The following IFT88 variants were observed in gnomAD, a reference collection of about 807,000 sequenced individuals.
IFT88 encodes the protein intraflagellar transport protein 88 homolog.
A neutral mutation model predicts 119.5 loss-of-function variants in IFT88; 74 were observed. The ratio of observed to expected loss-of-function variants is 0.62; its 90% CI spans 0.51 to 0.75. IFT88 has a LOEUF of 0.75. IFT88 is among the 30% of genes least tolerant of loss of function. The pLI is 0.00. For synonymous variants in IFT88, 279 were observed against 316.7 expected, an observed-to-expected ratio of 0.88 and a Z score of 1.26; for missense variants, 961 against 977.7, an observed-to-expected ratio of 0.98 and a Z score of 0.23.
intron 20 of IFT88, among the ~76,000 whole-genome samples, chr13:20,645,522 C>G (rs2050608900): frequency 6.6e-6 from 1 of 152,106 alleles, no homozygotes; most frequent in African/African-American, 2.4e-5. Context: ...TCTTACACCT[C>G]AGCAAACAAT....
intron 24 of IFT88, among the ~76,000 whole-genome samples, chr13:20,671,371 A>G (rs1287987876): frequency 2.0e-5 from 3 of 152,196 alleles, no homozygotes; most frequent in African/African-American, 7.2e-5. Context: ...TAAAATTTCC[A>G]TTTGAAGGAA....
chr13:20,671,430 C>G (rs2055838450), intron 24 of IFT88, among the ~76,000 whole-genome samples: 1 of 152,168 alleles, frequency 6.6e-6, no homozygotes, highest in Non-Finnish European at 1.5e-5. Flanking sequence ...AGCCCTAAAT[C>G]TTTAGTCTGA....
intron 21 of IFT88, among the ~76,000 whole-genome samples, chr13:20,655,154 C>T (rs2052518397): frequency 6.6e-6 from 1 of 152,170 alleles, no homozygotes; most frequent in African/African-American, 2.4e-5. Context: ...ACTGTAAAGG[C>T]CGGACACAGT....
chr13:20,579,828 G>C (rs908537430), intron 2 of IFT88, among the ~76,000 whole-genome samples: 1 of 152,172 alleles, frequency 6.6e-6, no homozygotes, highest in Non-Finnish European at 1.5e-5. Flanking sequence ...GGTTATTGCT[G>C]CTGATTATTC....
rs138604416 is a variant in IFT88 at position 20,628,258 on chromosome 13, T to G, written c.1299+2409T>G. Among the ~76,000 whole-genome samples the G allele has an allele frequency of 9.8e-3, 1,491 of 152,130 alleles. 25 individuals carry two copies. The highest frequency in any genetic ancestry group is 0.034 in the African/African-American group (1,399 of 41,500). On this transcript the variant is annotated intron_variant, in intron 15 of 25. Coordinates refer to ENST00000351808, the MANE Select transcript of IFT88 (RefSeq NM_006531.5). ...CACAGAGTATGGGTCTTTTTGATAA[T>G]GATGGTGTTTGTAGCCACTTTTGTA...
At chr13:20,614,629 C>T (rs1228193709) in intron 13 of IFT88, among the ~76,000 whole-genome samples, 1 of 152,044 alleles carries the variant, frequency 6.6e-6, no homozygotes, top group Non-Finnish European at 1.5e-5. Context: ...TGTTTCTTGA[C>T]TGTTATCAAT....
rs528587128 is a variant in IFT88 at position 20,626,043 on chromosome 13, CTTTTTTTTTTTTTTTTT to C, written c.1299+213_1299+229del. 3.0e-4 allele frequency among the ~76,000 whole-genome samples: 12 copies of C among 39,572 alleles called. No individual in the cohort carries two copies. In the South Asian group the frequency reaches 6.2e-3, roughly 21 times the overall value. The allele number at this position is 39,572 out of a possible 152,430, so 26.0% of individuals were successfully genotyped here. On this transcript the variant is annotated intron_variant, in intron 15 of 25. Coordinates refer to ENST00000351808, the MANE Select transcript of IFT88 (RefSeq NM_006531.5). ...ATTAATTTTTGCCTGTTTGTCGTTTCTTTTTTTTTTTTTTTTTTTTTTTTTTTTTTTTTTTGAGATGG... is the reference window on the plus strand; with the variant it reads ...ATTAATTTTTGCCTGTTTGTCGTTTCTTTTTTTTTTTTTTTTTTGAGATGG...
chr13:20,605,169 A>G (rs2043207868), intron 13 of IFT88, 64 bp downstream of exon 13: 3 of 628,432 alleles, frequency 4.8e-6, no homozygotes, highest in Admixed American at 3.3e-5. Context: ...AATGTTTAGT[A>G]TTAAGATACT....
intron 1 of IFT88, chr13:20,568,132 G>T: frequency 1.6e-6 from 1 of 631,940 alleles, no homozygotes; most frequent in Non-Finnish European, 2.9e-6. Flanking sequence ...GCTTGAAGTA[G>T]ACTGTCCATA....
chr13:20,653,918 C>G lies in IFT88; in HGVS notation c.1992C>G (p.Phe664Leu). Residue 664 changes from phenylalanine (F) to leucine (L), a missense_variant, in exon 21 of 26, where the codon TTC (phenylalanine) becomes TTG (leucine). Transcript: ENST00000351808. Reference protein sequence around the residue: ...VKWQLMVASCFRRSGNYQKAL... With the variant: ...VKWQLMVASCLRRSGNYQKAL... ...GGCAGCTGATGGTAGCTAGTTGTTT[C>G]AGAAGAAGTGGTAAATGCTTTAGTT... 6.3e-7 allele frequency: 1 copy of G among 1,583,876 alleles called. No homozygotes were observed.
At chr13:20,626,039 G>A (rs1165411605) in intron 15 of IFT88, among the ~76,000 whole-genome samples, 190 bp downstream of exon 15, 1 of 62,438 alleles carries the variant, frequency 1.6e-5, no homozygotes, top group Non-Finnish European at 3.1e-5. Flanking sequence ...CCTGTTTGTC[G>A]TTTCTTTTTT....
chr13:20,599,976 G>C (rs1352415250), intron 11 of IFT88, among the ~76,000 whole-genome samples: 1 of 152,074 alleles, frequency 6.6e-6, no homozygotes, highest in African/African-American at 2.4e-5. Flanking sequence ...TTAGAAGAGG[G>C]GGAAGCTGGG....
chr13:20,677,187 C>T (rs1242598988), intron 24 of IFT88, among the ~76,000 whole-genome samples: 1 of 152,160 alleles, frequency 6.6e-6, no homozygotes, highest in Non-Finnish European at 1.5e-5. Flanking sequence ...TCTCCCTCTC[C>T]TCACTTGAGT....
intron 20 of IFT88, 36 bp downstream of exon 20, chr13:20,644,994 T>G (rs778692412): frequency 1.3e-5 from 13 of 1,001,112 alleles, no homozygotes; most frequent in Non-Finnish European, 1.5e-6. Flanking sequence ...TTAGTTAATG[T>G]CATGTCTTGA....
intron 22 of IFT88, among the ~76,000 whole-genome samples, chr13:20,662,274 G>A (rs1339752137): frequency 6.6e-6 from 1 of 151,238 alleles, no homozygotes; most frequent in Non-Finnish European, 1.5e-5. Context: ...GAAAGGAATA[G>A]CATCAACATC....
chr13:20,645,427 C>T (rs191509975), intron 20 of IFT88, among the ~76,000 whole-genome samples: 79 of 152,216 alleles, frequency 5.2e-4, no homozygotes, highest in African/African-American at 1.8e-3. Context: ...TTCCATTTTA[C>T]TTGGTCTTTA....
intron 12 of IFT88, among the ~76,000 whole-genome samples, chr13:20,603,612 G>A (rs552367590): frequency 1.3e-5 from 2 of 152,024 alleles, no homozygotes; most frequent in African/African-American, 4.8e-5. Flanking sequence ...ATAGTACCTG[G>A]CAGCTGGGCA....
In IFT88 at chr13:20,601,946, A is replaced by G; in HGVS notation, c.1041+13A>G. On this transcript the variant is annotated intron_variant, in intron 12 of 25. Coordinates refer to ENST00000351808, the MANE Select transcript of IFT88 (RefSeq NM_006531.5). ...TATTTCACCAAGTGTGAGTATGAAAAAGACATTTCTGTAGCCACTTCCCAC... is the reference window on the plus strand; with the variant it reads ...TATTTCACCAAGTGTGAGTATGAAAGAGACATTTCTGTAGCCACTTCCCAC... 1 of 1,436,666 alleles carries G rather than the reference A, an allele frequency of 7.0e-7. No individual in the cohort carries two copies. Among genetic ancestry groups the G allele is most frequent in the African/African-American group, 1.4e-5 (1 of 71,164 alleles). The allele number at this position is 1,436,666 out of a possible 1,614,324, so 89.0% of individuals were successfully genotyped here.
At chr13:20,617,835 C>G (rs1391699575) in intron 14 of IFT88, among the ~76,000 whole-genome samples, 1 of 152,142 alleles carries the variant, frequency 6.6e-6, no homozygotes, top group Non-Finnish European at 1.5e-5. Flanking sequence ...ACTCTGTCAA[C>G]CAGGCTGGAG....
Sources: allele counts gnomAD v4.1 joint callset (sites outside exome capture counted in the v4.1 genomes callset), GRCh38; gene constraint gnomAD v4.1.1; transcripts MANE v1.5; gene names NCBI Gene and HGNC (gene_info 2026-07-23, HGNC 2026-07-21).